GHR: variants seen among roughly 807,000 people sequenced by gnomAD.
GHR encodes the protein GH receptor.
Under a neutral mutation model 67.1 loss-of-function variants are expected in GHR, and 35 were observed. The observed-to-expected ratio is 0.52, with a 90% confidence interval of 0.40 to 0.69. The LOEUF (loss-of-function observed/expected upper bound fraction) is 0.69. Among genes scored for constraint, GHR ranks in the 30% least tolerant of loss-of-function variants. GHR has a pLI of 0.00. For synonymous variants in GHR, 272 were observed against 269.1 expected (o/e 1.01, Z -0.10); for missense variants, 792 against 764.6 (o/e 1.04, Z -0.42).
At chr5:42,437,531 ATTTATTTATTTATTT>A (rs1743381117) in intron 1 of GHR, among the ~76,000 whole-genome samples, 3 of 100,576 alleles carry the variant, frequency 3.0e-5, no homozygotes, top group African/African-American at 1.1e-4. Context: ...TTATTTTTAT[ATTTATTTATTTATTT>A]ATTTATTTAT....
chr5:42,525,070 C>T (rs1040780170), intron 1 of GHR, among the ~76,000 whole-genome samples: 2 of 152,216 alleles, frequency 1.3e-5, no homozygotes, highest in African/African-American at 4.8e-5. Context: ...ACACAGAGTC[C>T]CTGCTGGGGC....
chr5:42,569,776 T>C (rs1750173734), intron 2 of GHR, among the ~76,000 whole-genome samples: 1 of 152,154 alleles, frequency 6.6e-6, no homozygotes, highest in Non-Finnish European at 1.5e-5. Context: ...ATAGTATATG[T>C]ATGTGCACAC....
At chr5:42,487,686 T>TA (rs1334294625) in intron 1 of GHR, among the ~76,000 whole-genome samples, 1 of 152,206 alleles carries the variant, frequency 6.6e-6, no homozygotes, top group Non-Finnish European at 1.5e-5. Context: ...AACTATATTT[T>TA]AACCAGGAGG....
intron 1 of GHR, among the ~76,000 whole-genome samples, chr5:42,478,951 C>T (rs1420633223): frequency 6.6e-6 from 1 of 152,118 alleles, no homozygotes; most frequent in Non-Finnish European, 1.5e-5. Flanking sequence ...AAGGGCATCC[C>T]TGTTTTGTGC....
At chr5:42,641,582 G>A (rs533407336) in intron 3 of GHR, among the ~76,000 whole-genome samples, 2 of 152,148 alleles carry the variant, frequency 1.3e-5, no homozygotes, top group East Asian at 3.9e-4. Flanking sequence ...GGAGGGAAGG[G>A]AATATTTCCC....
intron 1 of GHR, among the ~76,000 whole-genome samples, chr5:42,534,192 A>G (rs973835254): frequency 3.5e-5 from 5 of 143,176 alleles, no homozygotes; most frequent in Admixed American, 7.0e-5. Flanking sequence ...GTATATATGT[A>G]CATGTGTATA....
chr5:42,523,106 T>G (rs996468912), intron 1 of GHR, among the ~76,000 whole-genome samples: 1 of 152,156 alleles, frequency 6.6e-6, no homozygotes, highest in Non-Finnish European at 1.5e-5. Flanking sequence ...AATCACACAC[T>G]GGTGAGTTTC....
chr5:42,700,850 G>A (rs1205617891), intron 6 of GHR, among the ~76,000 whole-genome samples: 1 of 152,118 alleles, frequency 6.6e-6, no homozygotes, highest in African/African-American at 2.4e-5. Flanking sequence ...AAGTTTGGAG[G>A]AAATTTGAGT....
At chr5:42,442,967 A>G (rs1374453494) in intron 1 of GHR, among the ~76,000 whole-genome samples, 1 of 152,218 alleles carries the variant, frequency 6.6e-6, no homozygotes, top group Non-Finnish European at 1.5e-5. Context: ...TTAAGCACCA[A>G]TTACCTAGGG....
chr5:42,650,578 C>CATTATATATATATATATATAT (rs1754967013), intron 3 of GHR, among the ~76,000 whole-genome samples: 2 of 129,050 alleles, frequency 1.5e-5, no homozygotes, highest in African/African-American at 6.1e-5. Flanking sequence ...TTACAGATAA[C>CATTATATATATATATATATAT]ATATATATAT....
intron 2 of GHR, among the ~76,000 whole-genome samples, chr5:42,568,015 A>T (rs1049045766): frequency 2.0e-5 from 3 of 152,270 alleles, no homozygotes; most frequent in Non-Finnish European, 4.4e-5. Context: ...TTAAATTTTT[A>T]AAAAGAAAAG....
At chr5:42,577,546 A>C (rs1425487814) in intron 2 of GHR, among the ~76,000 whole-genome samples, 1 of 152,222 alleles carries the variant, frequency 6.6e-6, no homozygotes, top group Non-Finnish European at 1.5e-5. Flanking sequence ...ACATTCATGT[A>C]CCATTTTCTC....
intron 1 of GHR, among the ~76,000 whole-genome samples, chr5:42,466,686 C>T (rs1177064729): frequency 6.6e-6 from 1 of 152,176 alleles, no homozygotes; most frequent in Non-Finnish European, 1.5e-5. Flanking sequence ...AAAGTCGTTG[C>T]CTTCAGGTGC....
intron 3 of GHR, among the ~76,000 whole-genome samples, chr5:42,640,010 A>T (rs80046878): frequency 0.024 from 3,630 of 152,262 alleles, 138 homozygotes; most frequent in African/African-American, 0.08. Flanking sequence ...GCAGTTTGGC[A>T]TCCTTTTCCT....
intron 3 of GHR, among the ~76,000 whole-genome samples, chr5:42,655,586 T>C (rs1368717770): frequency 6.6e-6 from 1 of 152,188 alleles, no homozygotes; most frequent in African/African-American, 2.4e-5. Context: ...AAAGTAATTT[T>C]TGAACACATG....
In GHR at chr5:42,443,958, G is replaced by GAT. The variant is rs1554052073; in HGVS notation, c.-12+20005_-12+20006dup. On this transcript the variant is annotated intron_variant, in intron 1 of 9. Transcript: ENST00000230882. The stretch of plus-strand genomic sequence containing the variant: ...CCAAGGTGATATAGATATAGATATA[G>GAT]ATAGATATAGATATAGATATAGATA... 4.3e-3 allele frequency among the ~76,000 whole-genome samples: 638 copies of GAT among 148,162 alleles called. 2 individuals carry two copies. The highest frequency in any genetic ancestry group is 0.015 in the African/African-American group (599 of 39,662).
chr5:42,555,597 G>A (rs1429754133), intron 1 of GHR, among the ~76,000 whole-genome samples: 2 of 152,122 alleles, frequency 1.3e-5, no homozygotes, highest in South Asian at 2.1e-4. Flanking sequence ...TAACCTCTCT[G>A]AGCTCCTCTA....
chr5:42,490,278 C>A (rs184030237), intron 1 of GHR, among the ~76,000 whole-genome samples: 1 of 152,324 alleles, frequency 6.6e-6, no homozygotes, highest in Admixed American at 6.5e-5. Flanking sequence ...TCACTAAATT[C>A]TGGTTCACAA....
At chr5:42,431,800 A>T (rs1053829164) in intron 1 of GHR, among the ~76,000 whole-genome samples, 1 of 152,234 alleles carries the variant, frequency 6.6e-6, no homozygotes, top group Non-Finnish European at 1.5e-5. Flanking sequence ...GAAGAAGTGC[A>T]CTTCACAGGG....
Sources: allele counts gnomAD v4.1 joint callset (sites outside exome capture counted in the v4.1 genomes callset), GRCh38; gene constraint gnomAD v4.1.1; transcripts MANE v1.5; gene names NCBI Gene and HGNC (gene_info 2026-07-23, HGNC 2026-07-21).